ARHGAP44: variants seen among roughly 807,000 people sequenced by gnomAD.
ARHGAP44 encodes the protein rho GTPase-activating protein 44.
ARHGAP44 carries 43 observed loss-of-function variants against 106.8 expected under a neutral mutation model. That is an observed-to-expected ratio of 0.40 (90% CI 0.32 to 0.52). ARHGAP44 has a LOEUF of 0.52. Among genes scored for constraint, ARHGAP44 ranks in the 20% least tolerant of loss-of-function variants. ARHGAP44 has a pLI of 0.48. For synonymous variants in ARHGAP44, 439 were observed against 410.3 expected, an observed-to-expected ratio of 1.07 and a Z score of -0.85; for missense variants, 866 against 1,050.5, an observed-to-expected ratio of 0.82 and a Z score of 2.43.
intron 3 of ARHGAP44, among the ~76,000 whole-genome samples, chr17:12,897,664 G>A (rs914749062): frequency 2.0e-5 from 3 of 150,038 alleles, no homozygotes; most frequent in Admixed American, 6.6e-5. Flanking sequence ...CTCCAGGAAC[G>A]GTTCCGGATG....
intron 20 of ARHGAP44, chr17:12,985,402 GA>G (rs1198121244): frequency 6.5e-6 from 1 of 153,008 alleles, no homozygotes; most frequent in Non-Finnish European, 1.5e-5. Context: ...GATATTTAGA[GA>G]GGGGTGAATT....
chr17:12,915,344 T>C (rs1377354042), intron 4 of ARHGAP44, among the ~76,000 whole-genome samples: 1 of 152,222 alleles, frequency 6.6e-6, no homozygotes, highest in Non-Finnish European at 1.5e-5. Flanking sequence ...GAATTTAACA[T>C]CTTTGAAATA....
chr17:12,983,845 C>T (rs991623324), intron 19 of ARHGAP44, among the ~76,000 whole-genome samples: 2 of 151,982 alleles, frequency 1.3e-5, no homozygotes, highest in African/African-American at 4.8e-5. Context: ...AGAAAAACAA[C>T]GAAAAATGCA....
chr17:12,874,774 C>T (rs551109135), intron 1 of ARHGAP44, among the ~76,000 whole-genome samples: 4 of 150,692 alleles, frequency 2.7e-5, no homozygotes, highest in African/African-American at 9.7e-5. Context: ...ATTAAACATT[C>T]TACTCCATTT....
intron 16 of ARHGAP44, among the ~76,000 whole-genome samples, chr17:12,968,361 C>T (rs2039442105): frequency 1.3e-5 from 2 of 152,212 alleles, no homozygotes; most frequent in Admixed American, 1.3e-4. Flanking sequence ...TTGCAGGAGG[C>T]TCCCCAGGAC....
chr17:12,975,565 G>A (rs1275451674), intron 18 of ARHGAP44, among the ~76,000 whole-genome samples: 3 of 152,026 alleles, frequency 2.0e-5, no homozygotes, highest in Non-Finnish European at 4.4e-5. Flanking sequence ...TTGGGAGGCC[G>A]AGGCGGGTGG....
chr17:12,843,419 T>C (rs991819683), intron 1 of ARHGAP44, among the ~76,000 whole-genome samples: 5 of 152,000 alleles, frequency 3.3e-5, no homozygotes, highest in African/African-American at 1.2e-4. Flanking sequence ...GCATTTTTTT[T>C]TCCCTTTGTA....
chr17:12,819,786 T>A (rs1300426798), intron 1 of ARHGAP44, among the ~76,000 whole-genome samples: 3 of 152,104 alleles, frequency 2.0e-5, no homozygotes, highest in Non-Finnish European at 4.4e-5. Context: ...TGTTTTGATT[T>A]GTAGGAGTTC....
chr17:12,883,380 T>C (rs1356364589), intron 1 of ARHGAP44, among the ~76,000 whole-genome samples: 1 of 151,652 alleles, frequency 6.6e-6, no homozygotes, highest in Admixed American at 6.6e-5. Context: ...TATTAGTTTC[T>C]TTTTTTATTG....
At chr17:12,814,012 G>A (rs1445752613) in intron 1 of ARHGAP44, among the ~76,000 whole-genome samples, 1 of 152,092 alleles carries the variant, frequency 6.6e-6, no homozygotes, top group Non-Finnish European at 1.5e-5. Flanking sequence ...TTCCTTCGGG[G>A]TTATCGATTA....
At chr17:12,846,375 C>T (rs1472493128) in intron 1 of ARHGAP44, among the ~76,000 whole-genome samples, 7 of 152,158 alleles carry the variant, frequency 4.6e-5, no homozygotes, top group Non-Finnish European at 8.8e-5. Flanking sequence ...AATGGATGCA[C>T]AGCTGTGCAC....
chr17:12,955,742 A>G (rs1254989698), intron 13 of ARHGAP44, 125 bp from the exon 14 acceptor site: 3 of 615,674 alleles, frequency 4.9e-6, no homozygotes, highest in African/African-American at 1.9e-5. Context: ...TGTTCATTAC[A>G]TTGCAGGTGC....
At chr17:12,886,969 T>G (rs1275162673) in intron 1 of ARHGAP44, among the ~76,000 whole-genome samples, 2 of 133,310 alleles carry the variant, frequency 1.5e-5, no homozygotes, top group Non-Finnish European at 3.1e-5. Context: ...TAAGAGTTTT[T>G]TTTTTGTTTT....
chr17:12,815,521 A>T (rs977519023), intron 1 of ARHGAP44, among the ~76,000 whole-genome samples: 14 of 152,182 alleles, frequency 9.2e-5, no homozygotes, highest in Non-Finnish European at 2.9e-5. Flanking sequence ...CCCTGAGGAA[A>T]ATGATAGATT....
chr17:12,945,502 G>T (rs2038827727), intron 10 of ARHGAP44, among the ~76,000 whole-genome samples: 2 of 152,156 alleles, frequency 1.3e-5, no homozygotes, highest in South Asian at 4.1e-4. Context: ...TAGTGAGATA[G>T]GAGACTTATA....
intron 7 of ARHGAP44, 122 bp downstream of exon 7, chr17:12,929,168 C>G: frequency 1.1e-6 from 1 of 884,960 alleles, no homozygotes; most frequent in Non-Finnish European, 1.7e-6. Context: ...CTGAATGTCC[C>G]CAAGCCCGCC....
chr17:12,900,933 TTTTA>T lies in ARHGAP44; in HGVS notation c.198+4423_198+4426del, dbSNP rs1228092568. On this transcript the variant is annotated intron_variant, in intron 3 of 20. Transcript: ENST00000379672. ...TTTGGCTTTTTTTTTTTTTTTTTTT[TTTTA>T]ATTGAGATGGAGTTTCGCTCTTGTC... Among the ~76,000 whole-genome samples the T allele has an allele frequency of 5.2e-3, 605 of 115,402 alleles. 13 individuals are homozygous for T. In the South Asian group the frequency reaches 0.082, roughly 16 times the overall value. 75.7% of individuals were successfully genotyped at this position (115,402 alleles called of 152,430 possible).
chr17:12,923,147 T>C (rs1598060568), intron 6 of ARHGAP44, among the ~76,000 whole-genome samples: 1 of 152,220 alleles, frequency 6.6e-6, no homozygotes, highest in South Asian at 2.1e-4. Context: ...ACATCGGTGA[T>C]TTTTCATAGC....
At chr17:12,817,532 A>G (rs1047814981) in intron 1 of ARHGAP44, among the ~76,000 whole-genome samples, 1 of 152,022 alleles carries the variant, frequency 6.6e-6, no homozygotes, top group Non-Finnish European at 1.5e-5. Context: ...TAAAGAGATG[A>G]GTAGAAATCA....
Sources: gnomAD v4.1 joint callset for allele counts (sites outside exome capture counted in the v4.1 genomes callset) on GRCh38, gnomAD v4.1.1 for gene constraint, MANE v1.5 for transcripts, NCBI Gene and HGNC (gene_info 2026-07-23, HGNC 2026-07-21) for gene names.